The following ADGRL3 variants were observed in gnomAD, a reference collection of about 807,000 sequenced individuals.
ADGRL3 encodes the protein calcium-independent alpha-latrotoxin receptor 3.
A neutral mutation model predicts 153.5 loss-of-function variants in ADGRL3; 62 were observed. That is an observed-to-expected ratio of 0.40 (90% CI 0.33 to 0.50). The LOEUF (loss-of-function observed/expected upper bound fraction) is 0.50. Among genes scored for constraint, ADGRL3 ranks in the 20% least tolerant of loss-of-function variants. The probability of loss-of-function intolerance (pLI) is 0.47; values close to 1 mark genes in which losing one functional copy is unlikely to be tolerated. For synonymous variants in ADGRL3, 710 were observed against 672.5 expected, an observed-to-expected ratio of 1.06 and a Z score of -0.86; for missense variants, 1,641 against 1,859.4, an observed-to-expected ratio of 0.88 and a Z score of 2.16.
chr4:61,787,465 T>C (rs2097290833), intron 8 of ADGRL3, among the ~76,000 whole-genome samples: 1 of 152,086 alleles, frequency 6.6e-6, no homozygotes, highest in Admixed American at 6.6e-5. Flanking sequence ...AATATTATTG[T>C]ATGTTCTTTA....
chr4:61,227,220 T>G (rs1748394024), intron 1 of ADGRL3, among the ~76,000 whole-genome samples: 1 of 152,132 alleles, frequency 6.6e-6, no homozygotes, highest in Non-Finnish European at 1.5e-5. Context: ...TTTTTTTTTC[T>G]TTTGAGATAG....
intron 8 of ADGRL3, among the ~76,000 whole-genome samples, chr4:61,784,142 A>G (rs1018305014): frequency 6.6e-6 from 1 of 152,102 alleles, no homozygotes; most frequent in Non-Finnish European, 1.5e-5. Context: ...AATAACTTTG[A>G]CGAAGATATA....
chr4:61,394,220 T>G (rs1015776908), intron 2 of ADGRL3, among the ~76,000 whole-genome samples: 3 of 151,952 alleles, frequency 2.0e-5, no homozygotes, highest in African/African-American at 7.2e-5. Context: ...AAGAGGAAAT[T>G]TAAGGACATA....
At chr4:61,836,899 G>A (rs1265004548) in intron 9 of ADGRL3, among the ~76,000 whole-genome samples, 1 of 152,006 alleles carries the variant, frequency 6.6e-6, no homozygotes, top group Admixed American at 6.6e-5. Context: ...CGAAATCGAA[G>A]ACTTAGGAAA....
At chr4:61,645,612 C>T (rs902333812) in intron 5 of ADGRL3, among the ~76,000 whole-genome samples, 1 of 152,136 alleles carries the variant, frequency 6.6e-6, no homozygotes, top group African/African-American at 2.4e-5. Context: ...TGAATATTGT[C>T]CCCCACTCTC....
At chr4:61,665,232 A>G (rs1003832451) in intron 5 of ADGRL3, among the ~76,000 whole-genome samples, 1 of 152,120 alleles carries the variant, frequency 6.6e-6, no homozygotes, top group Non-Finnish European at 1.5e-5. Flanking sequence ...CCACATGGTG[A>G]AACCCAGTCT....
intron 21 of ADGRL3, among the ~76,000 whole-genome samples, chr4:62,005,423 T>C (rs2099154041): frequency 1.3e-5 from 2 of 152,178 alleles, no homozygotes. Context: ...ATGGAATTGT[T>C]TTACATTAAT....
rs181554504 is a variant in ADGRL3, at chr4:61,588,165, A to G, written c.473+725A>G. 5.1e-3 allele frequency among the ~76,000 whole-genome samples: 774 copies of G among 151,890 alleles called. 7 individuals carry two copies. Among genetic ancestry groups the G allele is most frequent in the Middle Eastern group, 0.017 (4 of 234 alleles). ...TCTTAGATATTTGTTCACTATTACT[A>G]TGCTTTCTCAGAAATCAGGGATAAA... On this transcript the variant is annotated intron_variant, in intron 5 of 26. Transcript: ENST00000683033.
At chr4:61,902,919 T>G (rs972505355) in intron 11 of ADGRL3, among the ~76,000 whole-genome samples, 2 of 152,196 alleles carry the variant, frequency 1.3e-5, no homozygotes, top group Non-Finnish European at 2.9e-5. Flanking sequence ...ATAAGCTCCC[T>G]CTTACTAGAA....
intron 8 of ADGRL3, among the ~76,000 whole-genome samples, chr4:61,768,567 G>A (rs1001050750): frequency 1.3e-5 from 2 of 152,020 alleles, no homozygotes; most frequent in African/African-American, 4.8e-5. Context: ...CTTGTAGGGT[G>A]GAAAAATTGA....
intron 19 of ADGRL3, among the ~76,000 whole-genome samples, chr4:61,991,224 A>G (rs555984250): frequency 4.6e-5 from 7 of 151,990 alleles, no homozygotes; most frequent in African/African-American, 1.7e-4. Flanking sequence ...AAAAGCAACC[A>G]TTTACTAGAG....
At chr4:61,281,262 A>G (rs993450460) in intron 1 of ADGRL3, among the ~76,000 whole-genome samples, 3 of 152,178 alleles carry the variant, frequency 2.0e-5, no homozygotes, top group Admixed American at 6.6e-5. Flanking sequence ...CAGCAAAATT[A>G]TAATATTCAC....
At chr4:61,260,884 C>G (rs2092453485) in intron 1 of ADGRL3, among the ~76,000 whole-genome samples, 1 of 152,066 alleles carries the variant, frequency 6.6e-6, no homozygotes, top group Non-Finnish European at 1.5e-5. Flanking sequence ...TACCACCATG[C>G]CTAACTAATT....
In ADGRL3 at chr4:62,076,942, A is replaced by G. The variant is rs10023749; in HGVS notation, c.*6034A>G. ...TTATACAAAATAATTCATAACCAAG[A>G]AATATTCATACTATAGAATAATTTA... is the stretch of plus-strand genomic sequence containing the variant. On this transcript the variant is annotated 3_prime_UTR_variant, in exon 27 of 27. Coordinates refer to ENST00000683033, the MANE Select transcript of ADGRL3 (RefSeq NM_001387552.1). The G allele has an allele frequency of 6.6e-6, 1 of 150,704 alleles. No homozygotes were observed. The highest frequency in any genetic ancestry group is 1.5e-5 in the Non-Finnish European group (1 of 67,576). 9.3% of individuals were successfully genotyped at this position (150,704 alleles called of 1,614,324 possible). A position where few individuals can be genotyped will look rare whatever the true frequency, so the allele number is the denominator to read the frequency against.
chr4:61,537,289 C>T (rs2098662879), intron 4 of ADGRL3, among the ~76,000 whole-genome samples: 1 of 151,762 alleles, frequency 6.6e-6, no homozygotes, highest in Admixed American at 6.6e-5. Context: ...AAGTGATTTA[C>T]CCTTTTCTCT....
intron 5 of ADGRL3, among the ~76,000 whole-genome samples, chr4:61,651,535 A>G (rs1466039659): frequency 6.6e-6 from 1 of 151,922 alleles, no homozygotes; most frequent in Non-Finnish European, 1.5e-5. Flanking sequence ...TGTTTGGGGG[A>G]GGGCTTAAAA....
chr4:61,979,781 C>A lies in ADGRL3; in HGVS notation c.3015+9C>A, dbSNP rs1470093823. ...ACCGAACTGACCAACCAGTAAGCAA[C>A]CTACATTGATACCAGTGAAGAATTT... is the stretch of plus-strand genomic sequence containing the variant. On this transcript the variant is annotated intron_variant, in intron 18 of 26. Transcript: ENST00000683033. 1 of 1,608,884 alleles carries A rather than the reference C, an allele frequency of 6.2e-7. No individual in the cohort carries two copies.
At chr4:61,253,558 G>A (rs1439223183) in intron 1 of ADGRL3, among the ~76,000 whole-genome samples, 3 of 152,010 alleles carry the variant, frequency 2.0e-5, no homozygotes, top group Admixed American at 1.3e-4. Context: ...AACAGGCCAG[G>A]GAATATACTG....
At chr4:61,645,029 C>A (rs1462712059) in intron 5 of ADGRL3, among the ~76,000 whole-genome samples, 14 of 152,182 alleles carry the variant, frequency 9.2e-5, no homozygotes, top group Non-Finnish European at 1.6e-4. Context: ...GATCCTTTAC[C>A]ATTATGTAAT....
Sources: allele counts gnomAD v4.1 joint callset (sites outside exome capture counted in the v4.1 genomes callset), GRCh38; gene constraint gnomAD v4.1.1; transcripts MANE v1.5; gene names NCBI Gene and HGNC (gene_info 2026-07-23, HGNC 2026-07-21).